Variants in DSTN observed in about 807,000 individuals in gnomAD.
The protein encoded by DSTN is destrin.
Under a neutral mutation model 16.8 loss-of-function variants are expected in DSTN, and 10 were observed. The observed-to-expected ratio is 0.60, with a 90% CI of 0.37 to 1.01. The LOEUF (loss-of-function observed/expected upper bound fraction) is 1.01. Among genes scored for constraint, DSTN ranks in the 50% least tolerant of loss-of-function variants. DSTN has a pLI of 0.01. For synonymous variants in DSTN, 57 were observed against 58.9 expected, an observed-to-expected ratio of 0.97 and a Z score of 0.14; for missense variants, 141 against 196.7, an observed-to-expected ratio of 0.72 and a Z score of 1.69.
Position 17,607,443 on chromosome 20 carries a change from G to C in DSTN, c.*297G>C, listed in dbSNP as rs1473091264. 3.7e-6 allele frequency: 1 copy of C among 271,922 alleles called. No homozygotes were observed. The highest frequency in any genetic ancestry group is 6.8e-6 in the Non-Finnish European group (1 of 146,520). 16.8% of individuals were successfully genotyped at this position (271,922 alleles called of 1,614,324 possible). A position where few individuals can be genotyped will look rare whatever the true frequency, so the allele number is the denominator to read the frequency against. On this transcript the variant is annotated 3_prime_UTR_variant, in exon 4 of 4. Coordinates refer to ENST00000246069, the MANE Select transcript of DSTN (RefSeq NM_006870.4). Reference sequence around the variant, plus strand: ...ACAGTTCACAAACAGTAAAGGCCATGTGAAGAGAATTATTACATCTTTATT... The same window carrying C: ...ACAGTTCACAAACAGTAAAGGCCATCTGAAGAGAATTATTACATCTTTATT...
At chr20:17,580,092 A>G (rs561191884) in intron 1 of DSTN, among the ~76,000 whole-genome samples, 1 of 152,326 alleles carries the variant, frequency 6.6e-6, no homozygotes, top group African/African-American at 2.4e-5. Context: ...ATGTGTTTCA[A>G]TAGTTTTATT....
intron 1 of DSTN, among the ~76,000 whole-genome samples, chr20:17,589,418 C>T (rs769855796): frequency 4.2e-4 from 64 of 152,190 alleles, no homozygotes; most frequent in Non-Finnish European, 8.5e-4. Flanking sequence ...ACCATGTTAA[C>T]CAGGCTGCTC....
intron 1 of DSTN, among the ~76,000 whole-genome samples, chr20:17,575,644 T>G (rs1568729481): frequency 6.6e-6 from 1 of 152,102 alleles, no homozygotes; most frequent in African/African-American, 2.4e-5. Flanking sequence ...CTTTGTATTT[T>G]AAAAGCTTTA....
intron 1 of DSTN, among the ~76,000 whole-genome samples, chr20:17,585,650 TAC>T (rs112116957): frequency 3.2e-4 from 48 of 152,080 alleles, no homozygotes; most frequent in African/African-American, 1.0e-3. Flanking sequence ...CACACATATA[TAC>T]ACACACACAC....
intron 1 of DSTN, among the ~76,000 whole-genome samples, chr20:17,581,443 A>C (rs1442415913): frequency 6.6e-6 from 1 of 152,224 alleles, no homozygotes; most frequent in Non-Finnish European, 1.5e-5. Flanking sequence ...AGTTCACGCC[A>C]TTGCCCTCCA....
At chr20:17,584,867 C>T (rs1327357143) in intron 1 of DSTN, among the ~76,000 whole-genome samples, 1 of 152,188 alleles carries the variant, frequency 6.6e-6, no homozygotes, top group Non-Finnish European at 1.5e-5. Context: ...TTCCCACATG[C>T]TTTTCAAAAC....
chr20:17,574,486 T>C (rs888374028), intron 1 of DSTN, among the ~76,000 whole-genome samples: 1 of 152,106 alleles, frequency 6.6e-6, no homozygotes, highest in Non-Finnish European at 1.5e-5. Context: ...CTAGCCAAAA[T>C]GTAAAAGCAC....
intron 1 of DSTN, among the ~76,000 whole-genome samples, chr20:17,584,622 A>T (rs1374300938): frequency 6.6e-6 from 1 of 151,488 alleles, no homozygotes; most frequent in African/African-American, 2.4e-5. Context: ...ATTGCACTCC[A>T]GCCTGGGCAA....
At chr20:17,576,362 T>C (rs559278012) in intron 1 of DSTN, 2 of 157,236 alleles carry the variant, frequency 1.3e-5, no homozygotes, top group Admixed American at 1.3e-4. Flanking sequence ...GGAATGGTCA[T>C]CCTCTTTGAC....
At chr20:17,587,525 AAG>A (rs1171371498) in intron 1 of DSTN, among the ~76,000 whole-genome samples, 5 of 152,360 alleles carry the variant, frequency 3.3e-5, no homozygotes, top group East Asian at 1.9e-4. Context: ...TTTAAAAAAA[AAG>A]AGTTTATCTG....
chr20:17,583,884 A>C (rs879936116), intron 1 of DSTN, among the ~76,000 whole-genome samples: 3 of 151,800 alleles, frequency 2.0e-5, no homozygotes, highest in Admixed American at 2.0e-4. Context: ...CTACAGGCCC[A>C]TACCACCATC....
At chr20:17,597,317 G>C (rs771163820) in intron 1 of DSTN, among the ~76,000 whole-genome samples, 2 of 152,200 alleles carry the variant, frequency 1.3e-5, no homozygotes, top group African/African-American at 2.4e-5. Context: ...AAAATGTGGA[G>C]TAGATGGCAT....
intron 1 of DSTN, among the ~76,000 whole-genome samples, chr20:17,578,101 A>G (rs1446906077): frequency 6.6e-6 from 1 of 152,258 alleles, no homozygotes; most frequent in African/African-American, 2.4e-5. Context: ...TGTGTGTACC[A>G]ACTAAATTCT....
chr20:17,582,925 C>T (rs2035362326), intron 1 of DSTN, among the ~76,000 whole-genome samples: 1 of 152,120 alleles, frequency 6.6e-6, no homozygotes. Flanking sequence ...GAAAACACAA[C>T]CCACAGAATA....
chr20:17,589,936 C>G lies in DSTN; in HGVS notation c.4-10802C>G, dbSNP rs78623332. On this transcript the variant is annotated intron_variant, in intron 1 of 3. Coordinates refer to ENST00000246069, the MANE Select transcript of DSTN (RefSeq NM_006870.4). ...GTTAAAATAGCTTTCATCCTGTTTT[C>G]TCTATTAATAATAAGGATCATGTGA... Among the ~76,000 whole-genome samples, 1,466 of 152,184 alleles carry G rather than the reference C, an allele frequency of 9.6e-3. 14 individuals carry two copies. Among genetic ancestry groups the G allele is most frequent in the African/African-American group, 0.032 (1,339 of 41,504 alleles).
chr20:17,584,955 G>C (rs2035389829), intron 1 of DSTN, among the ~76,000 whole-genome samples: 1 of 152,092 alleles, frequency 6.6e-6, no homozygotes, highest in Admixed American at 6.5e-5. Context: ...CAGTTCTCCT[G>C]TTTTTATTTC....
intron 2 of DSTN, among the ~76,000 whole-genome samples, chr20:17,603,730 T>A (rs931204178): frequency 1.3e-5 from 2 of 152,226 alleles, no homozygotes; most frequent in East Asian, 3.8e-4. Flanking sequence ...GTTATAAATA[T>A]AAAAAGATAG....
intron 1 of DSTN, among the ~76,000 whole-genome samples, chr20:17,583,485 G>T (rs2035368695): frequency 6.6e-6 from 1 of 152,120 alleles, no homozygotes; most frequent in Non-Finnish European, 1.5e-5. Context: ...GTATATCCAT[G>T]CAAGGGAAGG....
Position 17,607,300 on chromosome 20 carries a change from C to A in DSTN, c.*154C>A. On this transcript the variant is annotated 3_prime_UTR_variant, in exon 4 of 4. Coordinates refer to ENST00000246069, the MANE Select transcript of DSTN (RefSeq NM_006870.4). ...ATTCTATAAACATATGCAAACAGCC[C>A]TAAATAAATCTAAAGTCTAAAGTTT... is the stretch of plus-strand genomic sequence containing the variant. The A allele has an allele frequency of 1.9e-6, 1 of 524,904 alleles. No homozygotes were observed. The highest frequency in any genetic ancestry group is 4.2e-5 in the South Asian group (1 of 23,880). 32.5% of individuals were successfully genotyped at this position (524,904 alleles called of 1,614,324 possible).
Sources: allele counts gnomAD v4.1 joint callset (sites outside exome capture counted in the v4.1 genomes callset), GRCh38; gene constraint gnomAD v4.1.1; transcripts MANE v1.5; gene names NCBI Gene and HGNC (gene_info 2026-07-23, HGNC 2026-07-21).